The following TRIM61 variants were observed in gnomAD, a reference collection of about 807,000 sequenced individuals.
TRIM61 encodes putative tripartite motif-containing protein 61.
A neutral mutation model predicts 14.2 loss-of-function variants in TRIM61; 1 was observed. The observed-to-expected ratio is 0.07, with a 90% CI of 0.03 to 0.33. TRIM61 has a LOEUF of 0.33. Ranked by LOEUF, TRIM61 falls within the 10% of genes least tolerant of loss-of-function variation. TRIM61 has a pLI of 0.99. For missense variants in TRIM61, 19 were observed against 202.2 expected (o/e 0.09, Z 5.49); for synonymous variants, 8 against 71.6 (o/e 0.11, Z 4.49).
At chr4:164,957,009 A>G (rs1182301303) in intron 3 of TRIM61, 69 of 1,482,880 alleles carry the variant, frequency 4.7e-5, no homozygotes, top group Non-Finnish European at 5.8e-5. Context: ...GGGCAGCGCC[A>G]TGTACCACAG....
At chr4:164,974,349 C>A (rs1732434986) in intron 2 of TRIM61, among the ~76,000 whole-genome samples, 1 of 152,158 alleles carries the variant, frequency 6.6e-6, no homozygotes, top group African/African-American at 2.4e-5. Flanking sequence ...TAAAATACAT[C>A]CTTTATTTTA....
chr4:164,975,437 C>A (rs1202056473), intron 2 of TRIM61, among the ~76,000 whole-genome samples: 1 of 152,148 alleles, frequency 6.6e-6, no homozygotes, highest in African/African-American at 2.4e-5. Flanking sequence ...GTAAGAGACT[C>A]TATTTTGAAA....
At chr4:164,962,389 TTGTGTGTGTGTG>T (rs147058101) in intron 3 of TRIM61, among the ~76,000 whole-genome samples, 233 of 146,518 alleles carry the variant, frequency 1.6e-3, no homozygotes, top group Non-Finnish European at 2.4e-3. Flanking sequence ...CCTGGCTAAT[TTGTGTGTGTGTG>T]TGTGTGTGTG....
At chr4:164,958,332 G>C (rs930292314) in intron 3 of TRIM61, 1 of 167,002 alleles carries the variant, frequency 6.0e-6, no homozygotes, top group Non-Finnish European at 1.5e-5. Context: ...GGACAATGAA[G>C]GGGATGAGGT....
rs749105006 is a variant in TRIM61, at chr4:164,969,735, T to TC, written c.267dup (p.Arg90GlufsTer9). The stretch of plus-strand genomic sequence containing the variant: ...TTACACACATGCTTCTCTTCCTGCC[T>TC]CTTCCTCTTCTTGCTTCTTATCTGG... On this transcript the variant is annotated frameshift_variant, in exon 3 of 5. Transcript: ENST00000329314. LOFTEE classifies it high-confidence loss of function. The TC allele has an allele frequency of 4.1e-5, 66 of 1,609,754 alleles. No individual in the cohort carries two copies. The highest frequency in any genetic ancestry group is 5.6e-5 in the Non-Finnish European group (66 of 1,177,092).
In TRIM61 at chr4:164,954,685, T is replaced by C. The variant is rs1731940596; in HGVS notation, c.*100A>G. 6.5e-6 allele frequency: 1 copy of C among 152,922 alleles called. No individual in the cohort carries two copies. The highest frequency in any genetic ancestry group is 1.5e-5 in the Non-Finnish European group (1 of 68,394). 9.5% of individuals were successfully genotyped at this position (152,922 alleles called of 1,614,324 possible). A position where few individuals can be genotyped will look rare whatever the true frequency, so the allele number is the denominator to read the frequency against. On this transcript the variant is annotated 3_prime_UTR_variant, in exon 5 of 5. Transcript: ENST00000329314. ...CATACCCTACACATGGTTGGCAGCA[T>C]GGCTATAATCCCAGCACTTTGGGAG... is the stretch of plus-strand genomic sequence containing the variant.
intron 4 of TRIM61, chr4:164,954,820 T>G (rs1251258813): frequency 6.5e-6 from 1 of 152,956 alleles, no homozygotes; most frequent in Non-Finnish European, 1.5e-5. Context: ...TAAAATTTTA[T>G]TGGCCCAGCA....
intron 3 of TRIM61, among the ~76,000 whole-genome samples, chr4:164,963,421 G>A (rs940133416): frequency 1.3e-5 from 2 of 152,088 alleles, no homozygotes; most frequent in Non-Finnish European, 2.9e-5. Flanking sequence ...CATATCATGG[G>A]CTATGGAACA....
chr4:164,968,725 T>C, intron 3 of TRIM61: 4 of 982,252 alleles, frequency 4.1e-6, no homozygotes, highest in Non-Finnish European at 4.8e-6. Context: ...AAAAGGAAAC[T>C]TCATTCATTT....
chr4:164,976,135 CCTT>C, intron 2 of TRIM61, among the ~76,000 whole-genome samples: 1 of 152,214 alleles, frequency 6.6e-6, no homozygotes, highest in African/African-American at 2.4e-5. Context: ...TTGTTGCTGA[CCTT>C]CTCCTTATTA....
intron 3 of TRIM61, among the ~76,000 whole-genome samples, chr4:164,962,389 T>TTGTGTGTGTGTGTG (rs147058101): frequency 1.4e-4 from 20 of 146,406 alleles, no homozygotes; most frequent in African/African-American, 5.1e-4. Flanking sequence ...CCTGGCTAAT[T>TTGTGTGTGTGTGTG]TGTGTGTGTG....
intron 3 of TRIM61, among the ~76,000 whole-genome samples, chr4:164,966,817 G>A (rs1732252398): frequency 6.6e-6 from 1 of 152,084 alleles, no homozygotes; most frequent in African/African-American, 2.4e-5. Context: ...GGGTGGAGAG[G>A]GTGCGGTGCT....
intron 3 of TRIM61, among the ~76,000 whole-genome samples, chr4:164,962,692 T>TA (rs145808366): frequency 0.07 from 9,754 of 139,724 alleles, 772 homozygotes; most frequent in African/African-American, 0.2. Context: ...CAAGAAATGT[T>TA]AAAAAAAAAA....
chr4:164,965,191 G>A (rs564744798), intron 3 of TRIM61, among the ~76,000 whole-genome samples: 22 of 152,250 alleles, frequency 1.4e-4, no homozygotes, highest in African/African-American at 4.6e-4. Context: ...CAGAGGCTAA[G>A]GCGTGAGAGT....
chr4:164,960,546 C>T (rs1302851578), intron 3 of TRIM61, among the ~76,000 whole-genome samples: 1 of 140,704 alleles, frequency 7.1e-6, no homozygotes, highest in Non-Finnish European at 1.5e-5. Flanking sequence ...CAGAGTAAGA[C>T]TCTGTCTCAA....
At chr4:164,957,209 C>A (rs769559372) in intron 3 of TRIM61, 1 of 1,613,988 alleles carries the variant, frequency 6.2e-7, no homozygotes, top group South Asian at 1.1e-5. Flanking sequence ...GCTCAGACAT[C>A]CAGGGACGAC....
At chr4:164,967,267 T>C (rs576821907) in intron 3 of TRIM61, among the ~76,000 whole-genome samples, 2 of 152,238 alleles carry the variant, frequency 1.3e-5, no homozygotes, top group African/African-American at 2.4e-5. Flanking sequence ...TTCACTGTTA[T>C]GTCTACTGAC....
intron 3 of TRIM61, among the ~76,000 whole-genome samples, chr4:164,959,302 C>G (rs1336743646): frequency 6.6e-6 from 1 of 152,232 alleles, no homozygotes; most frequent in South Asian, 2.1e-4. Context: ...CAGCTGTCCT[C>G]TGAGGCCTTT....
chr4:164,963,050 A>G (rs1732169781), intron 3 of TRIM61, among the ~76,000 whole-genome samples: 7 of 152,238 alleles, frequency 4.6e-5, no homozygotes, highest in Admixed American at 4.6e-4. Context: ...ATAAGTTAAT[A>G]GAAAAAATTA....
Sources: allele counts gnomAD v4.1 joint callset (sites outside exome capture counted in the v4.1 genomes callset), GRCh38; gene constraint gnomAD v4.1.1; transcripts MANE v1.5; gene names NCBI Gene and HGNC (gene_info 2026-07-23, HGNC 2026-07-21).